OPCML: variants seen among roughly 807,000 people sequenced by gnomAD.
OPCML encodes opioid binding protein/cell adhesion molecule like, also known as opioid-binding protein/cell adhesion molecule.
OPCML carries 13 observed loss-of-function variants against 37.8 expected under a neutral mutation model. The observed-to-expected ratio is 0.34, with a 90% CI of 0.22 to 0.55. The LOEUF is 0.55. OPCML is among the 20% of genes least tolerant of loss of function. OPCML has a pLI of 0.91. For synonymous variants in OPCML, 176 were observed against 168.8 expected, an observed-to-expected ratio of 1.04 and a Z score of -0.33; for missense variants, 341 against 435.6, an observed-to-expected ratio of 0.78 and a Z score of 1.93.
At chr11:132,914,299 A>T (rs1199656426) in intron 2 of OPCML, among the ~76,000 whole-genome samples, 1 of 152,222 alleles carries the variant, frequency 6.6e-6, no homozygotes, top group Non-Finnish European at 1.5e-5. Flanking sequence ...ACAAGTCAAT[A>T]TCGCTTGATC....
chr11:133,217,306 C>T (rs1253442453), intron 1 of OPCML, among the ~76,000 whole-genome samples: 1 of 152,208 alleles, frequency 6.6e-6, no homozygotes, highest in African/African-American at 2.4e-5. Context: ...GTAAATTACT[C>T]ATCATTCTCA....
rs551091730 is a variant in OPCML at position 132,960,186 on chromosome 11, C to T, written c.62-17176G>A. Among the ~76,000 whole-genome samples, 52 of 152,304 alleles carry T rather than the reference C, an allele frequency of 3.4e-4. No homozygotes were observed. The East Asian group carries it at 7.9e-3, about 23-fold the overall frequency. Reference sequence around the variant, plus strand: ...ATCCAGTTCTAAGGTAAGTGACTTACGTGCATAATCTCATTTAGCCGGCCC... The same window carrying T: ...ATCCAGTTCTAAGGTAAGTGACTTATGTGCATAATCTCATTTAGCCGGCCC... On this transcript the variant is annotated intron_variant, in intron 1 of 7. Transcript: ENST00000524381.
chr11:132,587,714 C>T (rs1180070838), intron 3 of OPCML, among the ~76,000 whole-genome samples: 1 of 152,188 alleles, frequency 6.6e-6, no homozygotes, highest in Non-Finnish European at 1.5e-5. Context: ...CATGATTCTA[C>T]CACATTCTGA....
At chr11:133,046,916 G>A (rs942439163) in intron 1 of OPCML, among the ~76,000 whole-genome samples, 3 of 151,734 alleles carry the variant, frequency 2.0e-5, no homozygotes, top group South Asian at 4.2e-4. Context: ...GTTAGGAGCC[G>A]GGGAGTGGAA....
chr11:132,586,484 T>A (rs2096472896), intron 3 of OPCML, among the ~76,000 whole-genome samples: 1 of 152,196 alleles, frequency 6.6e-6, no homozygotes. Context: ...GGGCTTGTTA[T>A]GTGGTCAGTG....
chr11:133,051,701 C>A (rs1948134842), intron 1 of OPCML, among the ~76,000 whole-genome samples: 1 of 152,172 alleles, frequency 6.6e-6, no homozygotes, highest in African/African-American at 2.4e-5. Context: ...CTCCCCACAA[C>A]CATAACACAA....
At chr11:132,708,338 T>A (rs1187438297) in intron 2 of OPCML, among the ~76,000 whole-genome samples, 1 of 152,220 alleles carries the variant, frequency 6.6e-6, no homozygotes, top group Non-Finnish European at 1.5e-5. Context: ...ATACATACAC[T>A]TTCTTTCTTC....
chr11:132,433,411 C>A (rs909277106), intron 7 of OPCML, among the ~76,000 whole-genome samples: 22 of 152,158 alleles, frequency 1.4e-4, no homozygotes, highest in Non-Finnish European at 4.4e-5. Flanking sequence ...CTAAATGTAG[C>A]ATTTATGGGA....
intron 1 of OPCML, among the ~76,000 whole-genome samples, chr11:133,119,161 C>T (rs979245760): frequency 6.6e-6 from 1 of 152,080 alleles, no homozygotes; most frequent in Admixed American, 6.6e-5. Context: ...CCCATCCCTC[C>T]AGCCAAGCCT....
chr11:133,102,777 A>C (rs572114056), intron 1 of OPCML, among the ~76,000 whole-genome samples: 1 of 151,630 alleles, frequency 6.6e-6, no homozygotes, highest in Non-Finnish European at 1.5e-5. Context: ...ACAAAAACAA[A>C]CAACAACAAC....
intron 6 of OPCML, 128 bp from the exon 7 acceptor site, chr11:132,436,365 A>G: frequency 6.4e-7 from 1 of 1,566,344 alleles, no homozygotes; most frequent in South Asian, 1.2e-5. Context: ...CAACAGGAGG[A>G]GAAGGGAAAT....
In OPCML at chr11:132,834,451, G is replaced by A. The variant is rs529125194; in HGVS notation, c.146+108475C>T. Among the ~76,000 whole-genome samples the A allele has an allele frequency of 3.3e-4, 50 of 152,340 alleles. No individual in the cohort carries two copies. The South Asian group carries it at 9.9e-3, about 30-fold the overall frequency. On this transcript the variant is annotated intron_variant, in intron 2 of 7. Transcript: ENST00000524381. ...GGATGGCTTCACACAGTTCTGAAGG[G>A]TAGAAGTCCAAACCAAGGTGTTGGC...
At chr11:133,237,254 C>T (rs1940555109) in intron 1 of OPCML, among the ~76,000 whole-genome samples, 1 of 152,184 alleles carries the variant, frequency 6.6e-6, no homozygotes, top group Non-Finnish European at 1.5e-5. Context: ...TGAAAGCACC[C>T]AGAATTTGTA....
intron 4 of OPCML, among the ~76,000 whole-genome samples, chr11:132,512,153 A>G (rs76252094): frequency 6.6e-6 from 1 of 151,916 alleles, no homozygotes; most frequent in Non-Finnish European, 1.5e-5. Context: ...AAACAACTCA[A>G]AACCAAATAT....
intron 4 of OPCML, among the ~76,000 whole-genome samples, chr11:132,457,557 C>T (rs2096086782): frequency 6.6e-6 from 1 of 152,182 alleles, no homozygotes; most frequent in African/African-American, 2.4e-5. Flanking sequence ...GATAACCAAA[C>T]AAATACCAAT....
chr11:133,482,379 G>A (rs189307363), intron 1 of OPCML, among the ~76,000 whole-genome samples: 12 of 152,248 alleles, frequency 7.9e-5, no homozygotes, highest in African/African-American at 2.2e-4. Flanking sequence ...CTGGTTCACC[G>A]GTTTCATACG....
intron 4 of OPCML, among the ~76,000 whole-genome samples, chr11:132,491,104 C>A (rs2096214301): frequency 6.6e-6 from 1 of 152,180 alleles, no homozygotes; most frequent in Non-Finnish European, 1.5e-5. Context: ...CGTGTATGCT[C>A]CCATGATGTT....
chr11:133,184,037 G>A (rs757137207), intron 1 of OPCML, among the ~76,000 whole-genome samples: 5 of 152,178 alleles, frequency 3.3e-5, no homozygotes, highest in Non-Finnish European at 7.3e-5. Flanking sequence ...CAGCAGAGAT[G>A]ATCTGAGCTT....
rs1239371403 is a variant in OPCML at position 133,417,266 on chromosome 11, T to C, written c.61+114998A>G. Among the ~76,000 whole-genome samples the C allele has an allele frequency of 2.6e-5, 4 of 152,168 alleles. No homozygotes were observed. The South Asian group carries it at 8.3e-4, about 32-fold the overall frequency. On this transcript the variant is annotated intron_variant, in intron 1 of 7. Transcript: ENST00000524381. ...CATAGAAGTGCAGGTCAAAACCTGG[T>C]GCTGCAATTGGCATGTGTGAACACA...
Sources: gnomAD v4.1 joint callset for allele counts (sites outside exome capture counted in the v4.1 genomes callset) on GRCh38, gnomAD v4.1.1 for gene constraint, MANE v1.5 for transcripts, NCBI Gene and HGNC (gene_info 2026-07-23, HGNC 2026-07-21) for gene names.